TP63: variants seen among roughly 807,000 people sequenced by gnomAD.
TP63 encodes tumor protein 63.
A neutral mutation model predicts 82.8 loss-of-function variants in TP63; 17 were observed. The observed-to-expected ratio is 0.21, with a 90% CI of 0.14 to 0.31. The LOEUF (loss-of-function observed/expected upper bound fraction) is 0.31, where lower values mean the gene tolerates loss of function less well. Ranked by LOEUF, TP63 falls within the 10% of genes least tolerant of loss-of-function variation. The probability of loss-of-function intolerance (pLI) is 1.00; values close to 1 mark genes in which losing one functional copy is unlikely to be tolerated. For synonymous variants in TP63, 330 were observed against 321.7 expected, an observed-to-expected ratio of 1.03 and a Z score of -0.28; for missense variants, 648 against 895.3, an observed-to-expected ratio of 0.72 and a Z score of 3.52.
chr3:189,848,883 T>A (rs1353730476), intron 4 of TP63, among the ~76,000 whole-genome samples: 1 of 152,204 alleles, frequency 6.6e-6, no homozygotes, highest in Non-Finnish European at 1.5e-5. Flanking sequence ...CTGCCTTTTT[T>A]GTATGCTAAT....
intron 3 of TP63, among the ~76,000 whole-genome samples, chr3:189,802,647 T>C (rs549140666): frequency 5.3e-5 from 8 of 152,306 alleles, no homozygotes; most frequent in African/African-American, 1.9e-4. Context: ...TGTTGGGACT[T>C]AGACTCCATG....
chr3:189,879,983 A>C (rs1237733000), intron 10 of TP63: 3 of 1,552,006 alleles, frequency 1.9e-6, no homozygotes, highest in African/African-American at 2.8e-5. Context: ...AGGTATAAGG[A>C]GTGTGTTTCT....
chr3:189,683,517 A>G (rs1463567700), intron 1 of TP63, among the ~76,000 whole-genome samples: 1 of 152,250 alleles, frequency 6.6e-6, no homozygotes, highest in African/African-American at 2.4e-5. Flanking sequence ...TTGCTAAAAT[A>G]CAAGATGCTG....
intron 4 of TP63, among the ~76,000 whole-genome samples, chr3:189,861,270 A>G (rs914515131): frequency 2.6e-5 from 4 of 151,954 alleles, no homozygotes; most frequent in African/African-American, 4.8e-5. Context: ...TCTTTTTCTG[A>G]GTTGTTTCAC....
At position 189,889,417 on chromosome 3, in the gene TP63, C is replaced by A; in HGVS notation, c.1585C>A (p.Leu529Ile). The change falls in exon 12 of 14, where the codon CTC (leucine) becomes ATC (isoleucine). Residue 529 changes from leucine to isoleucine, a missense_variant. Leu to Ile is a conservative substitution (Grantham distance 5). This residue lies in a region of TP63 where 342 missense variants were observed against 425.7 expected (regional missense o/e 0.80). Transcript: ENST00000264731. ...LSPTQALPPPLSMPSTSHCTP... is the reference protein window; with the variant it reads ...LSPTQALPPPISMPSTSHCTP... ...CCCCACCCAGGCACTCCCTCCCCCACTCTCCATGCCATCCACCTCCCACTG... is the reference window on the plus strand; with the variant it reads ...CCCCACCCAGGCACTCCCTCCCCCAATCTCCATGCCATCCACCTCCCACTG... 1.9e-6 allele frequency: 3 copies of A among 1,614,118 alleles called. No homozygotes were observed. Among genetic ancestry groups the A allele is most frequent in the Non-Finnish European group, 2.5e-6 (3 of 1,179,998 alleles).
intron 1 of TP63, among the ~76,000 whole-genome samples, chr3:189,639,076 C>A (rs1264489312): frequency 6.6e-6 from 1 of 152,112 alleles, no homozygotes; most frequent in Non-Finnish European, 1.5e-5. Context: ...ACAAGAGAGC[C>A]AAGTTTCTGA....
At chr3:189,725,736 C>T (rs1034773268) in intron 1 of TP63, among the ~76,000 whole-genome samples, 2 of 152,142 alleles carry the variant, frequency 1.3e-5, no homozygotes, top group African/African-American at 4.8e-5. Context: ...TTCAGTGCAA[C>T]ACATACATAG....
intron 1 of TP63, among the ~76,000 whole-genome samples, chr3:189,712,994 T>C (rs1718703224): frequency 6.6e-6 from 1 of 152,088 alleles, no homozygotes; most frequent in African/African-American, 2.4e-5. Flanking sequence ...GAAATTCCAC[T>C]ATTGCCACAT....
chr3:189,618,869 C>T, the TP63 span, among the ~76,000 whole-genome samples: 1 of 152,096 alleles, frequency 6.6e-6, no homozygotes, highest in African/African-American at 2.4e-5. Context: ...GTAGGGAAAC[C>T]CATGAAATTT....
intron 10 of TP63, chr3:189,880,337 G>C: frequency 7.8e-7 from 1 of 1,283,636 alleles, no homozygotes; most frequent in Non-Finnish European, 9.9e-7. Flanking sequence ...AAAGCCACTA[G>C]TGAGAGAATC....
In TP63 at chr3:189,774,945, T is replaced by C. The variant is rs148528966; in HGVS notation, c.325-33327T>C. ...TAGAAAGGAAATTGACAGCCGGGCA[T>C]GGTGGCTCACGCCTGTAATCCCAGC... is the stretch of plus-strand genomic sequence containing the variant. On this transcript the variant is annotated intron_variant, in intron 3 of 13. Transcript: ENST00000264731. 3.9e-3 allele frequency among the ~76,000 whole-genome samples: 600 copies of C among 152,286 alleles called. 1 individual carries two copies. Among genetic ancestry groups the C allele is most frequent in the African/African-American group, 0.014 (568 of 41,568 alleles).
chr3:189,836,843 G>C (rs533763995), intron 4 of TP63, among the ~76,000 whole-genome samples: 12 of 152,184 alleles, frequency 7.9e-5, no homozygotes, highest in African/African-American at 2.9e-4. Flanking sequence ...TTTGTATTTG[G>C]CCCAATTCCC....
rs138911546 is a variant in TP63, at chr3:189,813,479, G to C, written c.579+4953G>C. On this transcript the variant is annotated intron_variant, in intron 4 of 13. Transcript: ENST00000264731. ...GTGATGAGGCTTCTTGGTGAACATAGTTCAGTCTGTCTTGATTATTGGCCT... is the reference window on the plus strand; with the variant it reads ...GTGATGAGGCTTCTTGGTGAACATACTTCAGTCTGTCTTGATTATTGGCCT... Among the ~76,000 whole-genome samples the C allele has an allele frequency of 4.9e-3, 740 of 152,206 alleles. 3 individuals are homozygous for C. Among genetic ancestry groups the C allele is most frequent in the African/African-American group, 0.017 (715 of 41,528 alleles).
At chr3:189,737,942 C>T (rs1577328459) in intron 2 of TP63, 74 bp downstream of exon 2, 1 of 1,572,860 alleles carries the variant, frequency 6.4e-7, no homozygotes, top group Non-Finnish European at 8.7e-7. Flanking sequence ...ATATTGCTTA[C>T]TAGGGCATGT....
chr3:189,712,846 T>G (rs529857303), intron 1 of TP63, among the ~76,000 whole-genome samples: 51 of 152,290 alleles, frequency 3.3e-4, no homozygotes, highest in Middle Eastern at 3.4e-3. Context: ...TATTATGAGA[T>G]GAGTTTAAGC....
intron 3 of TP63, among the ~76,000 whole-genome samples, chr3:189,807,989 T>C (rs555489616): frequency 6.6e-6 from 1 of 152,290 alleles, no homozygotes; most frequent in Non-Finnish European, 1.5e-5. Flanking sequence ...TTGCCTAGTT[T>C]GTGAATAAGC....
At chr3:189,853,102 G>A (rs1243862398) in intron 4 of TP63, among the ~76,000 whole-genome samples, 1 of 152,036 alleles carries the variant, frequency 6.6e-6, no homozygotes, top group African/African-American at 2.4e-5. Flanking sequence ...AGCTAATCTG[G>A]TGACTTCTCA....
chr3:189,722,038 T>A (rs62279900), intron 1 of TP63, among the ~76,000 whole-genome samples: 82,120 of 152,000 alleles, frequency 0.54, 22,354 homozygotes, highest in Middle Eastern at 0.66. Context: ...GGAGAGATCT[T>A]ACTGAGGATG....
intron 1 of TP63, among the ~76,000 whole-genome samples, chr3:189,642,676 T>C (rs1374587086): frequency 1.3e-5 from 2 of 152,132 alleles, no homozygotes; most frequent in African/African-American, 4.8e-5. Context: ...TACTACAGGA[T>C]GATAGGTCTT....
Sources: gnomAD v4.1 joint callset for allele counts (sites outside exome capture counted in the v4.1 genomes callset) on GRCh38, gnomAD v4.1.1 for gene constraint, gnomAD v4.1.1 regional missense constraint, MANE v1.5 for transcripts, NCBI Gene and HGNC (gene_info 2026-07-23, HGNC 2026-07-21) for gene names.